ZCCHC14: variants seen among roughly 807,000 people sequenced by gnomAD.
The protein encoded by ZCCHC14 is zinc finger CCHC-type containing 14.
In ZCCHC14, 16 loss-of-function variants were observed where a neutral mutation model predicts 85.0. The ratio of observed to expected loss-of-function variants is 0.19; its 90% CI spans 0.13 to 0.29. ZCCHC14 has a LOEUF of 0.29. Ranked by LOEUF, ZCCHC14 falls within the 10% of genes least tolerant of loss-of-function variation. The pLI is 1.00. For missense variants in ZCCHC14, 1,303 were observed against 1,443.5 expected (o/e 0.90, Z 1.58); for synonymous variants, 775 against 630.7 (o/e 1.23, Z -3.43).
chr16:87,462,244 T>C (rs1439802518), intron 1 of ZCCHC14, among the ~76,000 whole-genome samples: 1 of 152,176 alleles, frequency 6.6e-6, no homozygotes, highest in African/African-American at 2.4e-5. Context: ...GTAATTTAAA[T>C]TGGGTGATTT....
At chr16:87,430,029 A>G (rs1042744963) in intron 3 of ZCCHC14, among the ~76,000 whole-genome samples, 2 of 152,240 alleles carry the variant, frequency 1.3e-5, no homozygotes, top group African/African-American at 4.8e-5. Context: ...CATTCTCTTC[A>G]TAGCATCTCT....
In ZCCHC14 at chr16:87,420,312, C is replaced by G. The variant is rs985131474; in HGVS notation, c.950+295G>C. 2.6e-5 allele frequency among the ~76,000 whole-genome samples: 4 copies of G among 152,232 alleles called. No individual in the cohort carries two copies. The highest frequency in any genetic ancestry group is 2.6e-4 in the Admixed American group (4 of 15,292). On this transcript the variant is annotated intron_variant, in intron 5 of 12. Coordinates refer to ENST00000671377, the MANE Select transcript of ZCCHC14 (RefSeq NM_015144.3). This position sits in a 1 kb window ranked among gnomAD's most constrained non-coding sequence, Gnocchi z 5.0. ...AATTTTATCTGGGAATAGTCTCAAC[C>G]TTGGACTACAGGATGGAAACAGCAG...
In ZCCHC14 at chr16:87,410,062, C is replaced by T. The variant is rs1200432462; in HGVS notation, c.*218G>A. 1 of 424,656 alleles carries T rather than the reference C, an allele frequency of 2.4e-6. No individual in the cohort carries two copies. 26.3% of individuals were successfully genotyped at this position (424,656 alleles called of 1,614,324 possible). ...GCCGATCTCACCAGCCACAGAGATG[C>T]CCACTAGGCGAGTTCTGACACCAAG... On this transcript the variant is annotated 3_prime_UTR_variant, in exon 13 of 13. Transcript: ENST00000671377.
intron 1 of ZCCHC14, among the ~76,000 whole-genome samples, chr16:87,478,666 G>C (rs1439181781): frequency 6.6e-6 from 1 of 151,700 alleles, no homozygotes; most frequent in African/African-American, 2.4e-5. Flanking sequence ...GAGTGCAGTG[G>C]CGCCATCTTG....
chr16:87,468,039 A>G (rs1911608963), intron 1 of ZCCHC14, among the ~76,000 whole-genome samples: 2 of 152,326 alleles, frequency 1.3e-5, no homozygotes, highest in South Asian at 4.1e-4. Flanking sequence ...GCCTGGCCCA[A>G]CGGTTTTTTC....
intron 10 of ZCCHC14, 87 bp from the exon 11 acceptor site, chr16:87,413,282 G>A: frequency 1.4e-6 from 2 of 1,435,756 alleles, no homozygotes; most frequent in Non-Finnish European, 1.8e-6. Context: ...ACTGTCGGCA[G>A]GTGCTCCTTC....
rs1555526995 is a variant in ZCCHC14 at position 87,492,911 on chromosome 16, G to GCGGCGGCGGCGACGGCGACGGCGA, written c.-697_-674dup. Among the ~76,000 whole-genome samples the GCGGCGGCGGCGACGGCGACGGCGA allele has an allele frequency of 1.7e-4, 24 of 142,066 alleles. No homozygotes were observed. In the East Asian group the frequency reaches 1.8e-3, roughly 11 times the overall value. The allele number at this position is 142,066 out of a possible 152,430, so 93.2% of individuals were successfully genotyped here. On this transcript the variant is annotated 5_prime_UTR_variant, in exon 1 of 13. Transcript: ENST00000671377. The surrounding 1 kb of genome is among the most constrained non-coding windows in gnomAD (Gnocchi z 6.7). ...GCGGACGGATCCGGGCCCGAGCGCG[G>GCGGCGGCGGCGACGGCGACGGCGA]CGGCGGCGGCGACGGCGACGGCGAC...
At chr16:87,475,634 T>C (rs528495924) in intron 1 of ZCCHC14, among the ~76,000 whole-genome samples, 1 of 150,972 alleles carries the variant, frequency 6.6e-6, no homozygotes, top group African/African-American at 2.4e-5. Flanking sequence ...GTGGACGAGC[T>C]TTAACAGCAG....
intron 3 of ZCCHC14, among the ~76,000 whole-genome samples, chr16:87,425,921 T>C (rs759643524): frequency 6.6e-6 from 1 of 152,266 alleles, no homozygotes; most frequent in African/African-American, 2.4e-5. Flanking sequence ...AAACATGGTA[T>C]GGACAGATCA....
chr16:87,443,279 G>C (rs1336571144), intron 2 of ZCCHC14, among the ~76,000 whole-genome samples: 1 of 152,200 alleles, frequency 6.6e-6, no homozygotes, highest in East Asian at 1.9e-4. Flanking sequence ...AGGCAGACTG[G>C]GGTCACTGAT....
chr16:87,437,153 A>G (rs1238815122), intron 2 of ZCCHC14, among the ~76,000 whole-genome samples: 1 of 151,884 alleles, frequency 6.6e-6, no homozygotes, highest in Admixed American at 6.6e-5. Flanking sequence ...CCTGACCAAC[A>G]TGGAGAAACT....
intron 2 of ZCCHC14, among the ~76,000 whole-genome samples, chr16:87,455,086 C>G (rs978025062): frequency 6.6e-6 from 1 of 152,210 alleles, no homozygotes; most frequent in Non-Finnish European, 1.5e-5. Context: ...GTCGGGAATT[C>G]AAGACCAGCC....
intron 2 of ZCCHC14, among the ~76,000 whole-genome samples, chr16:87,434,301 A>T (rs1909806152): frequency 6.6e-6 from 1 of 152,240 alleles, no homozygotes; most frequent in African/African-American, 2.4e-5. Context: ...TCATCAAGGC[A>T]GGCCTGCCCC....
intron 3 of ZCCHC14, among the ~76,000 whole-genome samples, chr16:87,425,664 C>T (rs1282772965): frequency 3.3e-5 from 5 of 152,072 alleles, no homozygotes; most frequent in Admixed American, 6.6e-5. Flanking sequence ...CTCTCAACAC[C>T]AAAAATCTTG....
chr16:87,479,789 A>G (rs1275758529), intron 1 of ZCCHC14, among the ~76,000 whole-genome samples: 1 of 152,160 alleles, frequency 6.6e-6, no homozygotes, highest in Non-Finnish European at 1.5e-5. Context: ...AGGCCACCAA[A>G]GCATCATGAT....
intron 2 of ZCCHC14, among the ~76,000 whole-genome samples, chr16:87,443,937 T>C (rs932055450): frequency 2.0e-5 from 3 of 147,852 alleles, no homozygotes; most frequent in African/African-American, 7.6e-5. Context: ...CTCAGGAGGC[T>C]GAGGCATGAG....
rs535087789 is a variant in ZCCHC14, at chr16:87,471,437, A to G, written c.571-11306T>C. 3.3e-5 allele frequency: 5 copies of G among 152,382 alleles called. No homozygotes were observed. In the East Asian group the frequency reaches 9.6e-4, roughly 29 times the overall value. The allele number at this position is 152,382 out of a possible 1,614,324, so 9.4% of individuals were successfully genotyped here. A position where few individuals can be genotyped will look rare whatever the true frequency, so the allele number is the denominator to read the frequency against. ...ACCTAGAGCTCTACTCATCAAAAAG[A>G]GAAAGAGAGAAAAAAGATTACTGCT... On this transcript the variant is annotated intron_variant, in intron 1 of 12. Transcript: ENST00000671377.
chr16:87,410,003 T>G lies in ZCCHC14; in HGVS notation c.*277A>C. Reference sequence around the variant, plus strand: ...TGATGGCAATGCTCTTCGGGAGACATGGCGTCTCTGCACTGCAACCAAAAG... The same window carrying G: ...TGATGGCAATGCTCTTCGGGAGACAGGGCGTCTCTGCACTGCAACCAAAAG... On this transcript the variant is annotated 3_prime_UTR_variant, in exon 13 of 13. Transcript: ENST00000671377. The G allele has an allele frequency of 3.4e-6, 1 of 296,800 alleles. No homozygotes were observed. Among genetic ancestry groups the G allele is most frequent in the Non-Finnish European group, 6.2e-6 (1 of 160,892 alleles). 18.4% of individuals were successfully genotyped at this position (296,800 alleles called of 1,614,324 possible).
In ZCCHC14 at chr16:87,484,386, CG is replaced by C. The variant is rs111255395; in HGVS notation, c.570+7282del. ...CTGAAGAGATTGCTGAATACTCTTC[CG>C]AAAAAATTGTTTTTGTCAAAGAGGT... is the stretch of plus-strand genomic sequence containing the variant. On this transcript the variant is annotated intron_variant, in intron 1 of 12. Transcript: ENST00000671377. Among the ~76,000 whole-genome samples the C allele has an allele frequency of 1.2e-4, 18 of 152,114 alleles. No homozygotes were observed. In the East Asian group the frequency reaches 3.3e-3, roughly 28 times the overall value.
Sources: gnomAD v4.1 joint callset for allele counts (sites outside exome capture counted in the v4.1 genomes callset) on GRCh38, gnomAD v4.1.1 for gene constraint, Gnocchi (gnomAD v3.1) non-coding constraint, MANE v1.5 for transcripts, NCBI Gene and HGNC (gene_info 2026-07-23, HGNC 2026-07-21) for gene names.